The following DNER variants were observed in gnomAD, a reference collection of about 807,000 sequenced individuals.
DNER encodes delta and Notch-like epidermal growth factor-related receptor.
A neutral mutation model predicts 78.2 loss-of-function variants in DNER; 33 were observed. That is an observed-to-expected ratio of 0.42 (90% CI 0.32 to 0.56). DNER has a LOEUF of 0.56. DNER is among the 20% of genes least tolerant of loss of function. DNER has a pLI of 0.11. For synonymous variants in DNER, 417 were observed against 384.8 expected, an observed-to-expected ratio of 1.08 and a Z score of -0.98; for missense variants, 918 against 975.3, an observed-to-expected ratio of 0.94 and a Z score of 0.78.
chr2:229,440,052 T>A (rs1002431585), intron 8 of DNER, among the ~76,000 whole-genome samples: 1 of 152,220 alleles, frequency 6.6e-6, no homozygotes, highest in Non-Finnish European at 1.5e-5. Context: ...TTCATACATA[T>A]GGATTAACCA....
At chr2:229,671,287 G>A (rs774334250) in intron 1 of DNER, among the ~76,000 whole-genome samples, 32 of 152,208 alleles carry the variant, frequency 2.1e-4, no homozygotes, top group Middle Eastern at 6.8e-3. Flanking sequence ...AGCCATACTC[G>A]GCTTTCCCTT....
intron 9 of DNER, among the ~76,000 whole-genome samples, chr2:229,409,948 A>G (rs909383204): frequency 9.2e-5 from 14 of 152,154 alleles, no homozygotes; most frequent in African/African-American, 3.4e-4. Flanking sequence ...CGGAGAATAG[A>G]CAATCATGGA....
At chr2:229,545,152 T>C (rs1696597512) in intron 5 of DNER, among the ~76,000 whole-genome samples, 1 of 152,140 alleles carries the variant, frequency 6.6e-6, no homozygotes, top group African/African-American at 2.4e-5. Flanking sequence ...GAAAAGGTGC[T>C]GGAGATGGAT....
chr2:229,643,926 C>T (rs1698669901), intron 1 of DNER, among the ~76,000 whole-genome samples: 1 of 152,100 alleles, frequency 6.6e-6, no homozygotes, highest in Non-Finnish European at 1.5e-5. Context: ...AACGTTGTCT[C>T]AAAGAACCTT....
rs964152549 is a variant in DNER, at chr2:229,708,417, C to T, written c.276+5731G>A. Among the ~76,000 whole-genome samples, 13 of 152,324 alleles carry T rather than the reference C, an allele frequency of 8.5e-5. 1 individual carries two copies. The South Asian group carries it at 2.3e-3, about 27-fold the overall frequency. ...CTGCCAGGTCAGTCTAATACACTGC[C>T]AGGGCTGAGCACTAATGTGGGGAAG... is the stretch of plus-strand genomic sequence containing the variant. On this transcript the variant is annotated intron_variant, in intron 1 of 12. Transcript: ENST00000341772.
At chr2:229,451,884 T>C (rs370070978) in intron 7 of DNER, among the ~76,000 whole-genome samples, 40 of 152,352 alleles carry the variant, frequency 2.6e-4, no homozygotes, top group African/African-American at 8.4e-4. Flanking sequence ...TCACTCTAGC[T>C]TTATGTCAAT....
chr2:229,608,116 A>G (rs1299669592), intron 1 of DNER, among the ~76,000 whole-genome samples: 2 of 151,690 alleles, frequency 1.3e-5, no homozygotes, highest in East Asian at 1.9e-4. Context: ...TGGGACTGAC[A>G]TAAATATCTA....
At chr2:229,650,142 C>G (rs1698790338) in intron 1 of DNER, among the ~76,000 whole-genome samples, 1 of 151,754 alleles carries the variant, frequency 6.6e-6, no homozygotes, top group South Asian at 2.1e-4. Flanking sequence ...ACTTACATCC[C>G]ATGAAATAAA....
At chr2:229,618,600 C>CA in intron 1 of DNER, among the ~76,000 whole-genome samples, 1 of 152,294 alleles carries the variant, frequency 6.6e-6, no homozygotes, top group Non-Finnish European at 1.5e-5. Flanking sequence ...TCTGCCTTAA[C>CA]AAGGCTTAGT....
chr2:229,462,328 C>T lies in DNER; in HGVS notation c.1262-14788G>A, dbSNP rs139874701. Among the ~76,000 whole-genome samples, 130 of 152,168 alleles carry T rather than the reference C, an allele frequency of 8.5e-4. 1 individual carries two copies. Among genetic ancestry groups the T allele is most frequent in the African/African-American group, 3.1e-3 (128 of 41,462 alleles). ...AAGGAAAATACAGAATAAAGTGACA[C>T]TGGCATTTTTTGCTGACAGGGTAAA... On this transcript the variant is annotated intron_variant, in intron 7 of 12. Transcript: ENST00000341772.
At chr2:229,549,070 C>G (rs1176791153) in intron 4 of DNER, among the ~76,000 whole-genome samples, 1 of 152,080 alleles carries the variant, frequency 6.6e-6, no homozygotes, top group Non-Finnish European at 1.5e-5. Flanking sequence ...ATATTGAAAT[C>G]TATGAAGCAT....
intron 10 of DNER, among the ~76,000 whole-genome samples, chr2:229,398,546 T>C (rs1418574726): frequency 6.6e-6 from 1 of 152,004 alleles, no homozygotes; most frequent in Non-Finnish European, 1.5e-5. Context: ...ACATAATAAC[T>C]TTTTTAAAAA....
At chr2:229,529,072 G>A (rs1696257703) in intron 5 of DNER, among the ~76,000 whole-genome samples, 1 of 152,028 alleles carries the variant, frequency 6.6e-6, no homozygotes, top group Admixed American at 6.6e-5. Flanking sequence ...ATAATATTAT[G>A]CTAATCTAAA....
At position 229,501,333 on chromosome 2, in the gene DNER, T is replaced by TA. The variant is rs1008239500; in HGVS notation, c.1147+11449dup. ...CAAAGAAATGATAAGTATGTTAGGT[T>TA]AAAAAAAAAAAGAAAAAGAAAACTA... On this transcript the variant is annotated intron_variant, in intron 6 of 12. Coordinates refer to ENST00000341772, the MANE Select transcript of DNER (RefSeq NM_139072.4). 1.8e-3 allele frequency among the ~76,000 whole-genome samples: 253 copies of TA among 143,276 alleles called. 4 individuals are homozygous for TA. The highest frequency in any genetic ancestry group is 6.6e-4 in the South Asian group (3 of 4,526). The allele number at this position is 143,276 out of a possible 152,430, so 94.0% of individuals were successfully genotyped here. A position where few individuals can be genotyped will look rare whatever the true frequency, so the allele number is the denominator to read the frequency against.
chr2:229,384,232 A>G (rs1692810678), intron 11 of DNER, among the ~76,000 whole-genome samples: 1 of 152,258 alleles, frequency 6.6e-6, no homozygotes, highest in Admixed American at 6.5e-5. Flanking sequence ...GACACAATGT[A>G]CCAGAATCTC....
Position 229,472,004 on chromosome 2 carries a change from A to G in DNER, c.1261+5136T>C, listed in dbSNP as rs145368590. 2.0e-5 allele frequency among the ~76,000 whole-genome samples: 3 copies of G among 152,326 alleles called. 1 individual carries two copies. In the East Asian group the frequency reaches 5.8e-4, roughly 29 times the overall value. The stretch of plus-strand genomic sequence containing the variant: ...TCCATCCTTGGCTATGAGAGTTTCC[A>G]GATTGTAAGATCTTTGATGTCTGAC... On this transcript the variant is annotated intron_variant, in intron 7 of 12. Transcript: ENST00000341772.
chr2:229,544,043 TA>T (rs1696569477), intron 5 of DNER, among the ~76,000 whole-genome samples: 1 of 148,958 alleles, frequency 6.7e-6, no homozygotes, highest in African/African-American at 2.6e-5. Context: ...CATTTTCCTA[TA>T]CTTAATTCTA....
chr2:229,616,078 A>G (rs936128184), intron 1 of DNER, among the ~76,000 whole-genome samples: 1 of 152,266 alleles, frequency 6.6e-6, no homozygotes, highest in African/African-American at 2.4e-5. Flanking sequence ...TTTATTAAAA[A>G]CTGCAAAACT....
At chr2:229,706,147 T>G (rs1435686586) in intron 1 of DNER, among the ~76,000 whole-genome samples, 1 of 152,106 alleles carries the variant, frequency 6.6e-6, no homozygotes. Context: ...AGAGGAGCCT[T>G]GGGCCAAGTC....
Sources: gnomAD v4.1 joint callset for allele counts (sites outside exome capture counted in the v4.1 genomes callset) on GRCh38, gnomAD v4.1.1 for gene constraint, MANE v1.5 for transcripts, NCBI Gene and HGNC (gene_info 2026-07-23, HGNC 2026-07-21) for gene names.